The following SEC24B variants were observed in gnomAD, a reference collection of about 807,000 sequenced individuals.
SEC24B encodes SEC24 homolog B, COPII component, also known as protein transport protein Sec24B.
In SEC24B, 45 loss-of-function variants were observed where a neutral mutation model predicts 142.8. The observed-to-expected ratio is 0.32, with a 90% CI of 0.25 to 0.40. The LOEUF is 0.40. Ranked by LOEUF, SEC24B falls within the 10% of genes least tolerant of loss-of-function variation. SEC24B has a pLI of 1.00. For missense variants in SEC24B, 1,409 were observed against 1,526.8 expected (o/e 0.92, Z 1.29); for synonymous variants, 574 against 568.2 (o/e 1.01, Z -0.15).
At chr4:109,514,878 T>C (rs1737762001) in intron 10 of SEC24B, among the ~76,000 whole-genome samples, 1 of 152,230 alleles carries the variant, frequency 6.6e-6, no homozygotes, top group African/African-American at 2.4e-5. Context: ...ATTTGGCATA[T>C]GCCCACCTAA....
chr4:109,525,967 G>A (rs1420073855), intron 16 of SEC24B, among the ~76,000 whole-genome samples: 1 of 152,056 alleles, frequency 6.6e-6, no homozygotes, highest in African/African-American at 2.4e-5. Flanking sequence ...GTCAGATTAT[G>A]TCTGACTTCA....
intron 3 of SEC24B, among the ~76,000 whole-genome samples, chr4:109,477,090 T>TG (rs1222039826): frequency 3.8e-5 from 5 of 129,912 alleles, no homozygotes; most frequent in Non-Finnish European, 7.7e-5. Context: ...TGAGCCGAGA[T>TG]CCCGCCACTG....
At chr4:109,491,169 T>G (rs931397644) in intron 4 of SEC24B, among the ~76,000 whole-genome samples, 158 bp from the exon 5 acceptor site, 7 of 152,220 alleles carry the variant, frequency 4.6e-5, no homozygotes, top group Admixed American at 3.3e-4. Context: ...AGAAATTCAT[T>G]GGTTTTTAAA....
At chr4:109,458,393 A>G (rs1730918693) in intron 1 of SEC24B, among the ~76,000 whole-genome samples, 2 of 151,996 alleles carry the variant, frequency 1.3e-5, no homozygotes, top group South Asian at 2.1e-4. Context: ...TTTGATTCTG[A>G]TCTCTACCTC....
At chr4:109,526,501 A>G (rs1436710286) in intron 17 of SEC24B, 102 bp downstream of exon 17, 1 of 780,598 alleles carries the variant, frequency 1.3e-6, no homozygotes, top group Non-Finnish European at 2.0e-6. Flanking sequence ...CACAGTGGGA[A>G]GTAATGGAAT....
intron 1 of SEC24B, among the ~76,000 whole-genome samples, chr4:109,456,334 G>GTT (rs70949081): frequency 0.034 from 3,241 of 94,120 alleles, 110 homozygotes; most frequent in South Asian, 0.092. Context: ...GGTTTTTTTT[G>GTT]TTTTTTTTTT....
intron 22 of SEC24B, among the ~76,000 whole-genome samples, chr4:109,535,016 A>G (rs1385386689): frequency 6.6e-6 from 1 of 152,040 alleles, no homozygotes; most frequent in South Asian, 2.1e-4. Context: ...AGTCCATTGT[A>G]TGGACATACC....
intron 4 of SEC24B, chr4:109,488,921 C>T (rs1441617145): frequency 6.5e-6 from 1 of 154,250 alleles, no homozygotes; most frequent in Non-Finnish European, 1.5e-5. Context: ...AATATCTGTT[C>T]AAATCTTTTG....
intron 12 of SEC24B, among the ~76,000 whole-genome samples, 188 bp from the exon 13 acceptor site, chr4:109,520,929 T>C (rs546703294): frequency 1.3e-5 from 2 of 151,970 alleles, no homozygotes; most frequent in Non-Finnish European, 2.9e-5. Flanking sequence ...GAGGTGGAGG[T>C]TGCAGTGAGC....
At chr4:109,474,671 C>T (rs1369028726) in intron 3 of SEC24B, among the ~76,000 whole-genome samples, 1 of 152,086 alleles carries the variant, frequency 6.6e-6, no homozygotes, top group South Asian at 2.1e-4. Context: ...GTGATCCGCC[C>T]ACCTTGGCCT....
chr4:109,479,596 A>AT (rs111747197), intron 3 of SEC24B, among the ~76,000 whole-genome samples: 3,811 of 147,336 alleles, frequency 0.026, 70 homozygotes, highest in Non-Finnish European at 0.04. Context: ...TGCCTGGCTA[A>AT]TTTTTTTTTT....
At position 109,501,305 on chromosome 4, in the gene SEC24B, C is replaced by T. The variant is rs377601228; in HGVS notation, c.1489-5023C>T. Among the ~76,000 whole-genome samples, 586 of 152,286 alleles carry T rather than the reference C, an allele frequency of 3.8e-3. 1 individual carries two copies. The highest frequency in any genetic ancestry group is 6.8e-3 in the Non-Finnish European group (461 of 68,022). On this transcript the variant is annotated intron_variant, in intron 6 of 23. Transcript: ENST00000265175. ...CCAGGTGTGTAGTAGGCTATACCAT[C>T]TAGGTTTGTGAGTACACTCTGTGAT...
intron 1 of SEC24B, among the ~76,000 whole-genome samples, chr4:109,437,691 C>T (rs1251795084): frequency 6.6e-6 from 1 of 152,212 alleles, no homozygotes; most frequent in Non-Finnish European, 1.5e-5. Flanking sequence ...GTGGCACGAT[C>T]TCAGCTCACT....
chr4:109,506,060 C>T (rs1443144587), intron 6 of SEC24B, among the ~76,000 whole-genome samples: 1 of 152,146 alleles, frequency 6.6e-6, no homozygotes, highest in Non-Finnish European at 1.5e-5. Flanking sequence ...CAAGTATAAA[C>T]TGTATTCAGG....
chr4:109,449,400 T>C (rs545475194), intron 1 of SEC24B: 16 of 330,816 alleles, frequency 4.8e-5, no homozygotes, highest in East Asian at 3.6e-4. Flanking sequence ...ATTTTTCTTT[T>C]TTTTTTTTTT....
intron 1 of SEC24B, among the ~76,000 whole-genome samples, chr4:109,451,357 A>G (rs1319796121): frequency 1.4e-5 from 2 of 138,872 alleles, no homozygotes; most frequent in Non-Finnish European, 3.1e-5. Flanking sequence ...TGCCTTGCTA[A>G]TTTTTTTTTT....
intron 1 of SEC24B, among the ~76,000 whole-genome samples, chr4:109,455,273 G>C (rs886952271): frequency 2.6e-5 from 4 of 151,632 alleles, no homozygotes; most frequent in African/African-American, 9.7e-5. Flanking sequence ...TTTTGGGATG[G>C]AGTTTCACTT....
intron 1 of SEC24B, among the ~76,000 whole-genome samples, chr4:109,448,830 C>T (rs962681014): frequency 6.6e-6 from 1 of 152,118 alleles, no homozygotes; most frequent in Admixed American, 6.5e-5. Flanking sequence ...CCAGTTTTTA[C>T]ATGAATGTCT....
At chr4:109,463,789 T>C (rs1183756853) in intron 2 of SEC24B, 145 bp downstream of exon 2, 1 of 1,287,778 alleles carries the variant, frequency 7.8e-7, no homozygotes, top group African/African-American at 1.5e-5. Context: ...TTGTAGCACC[T>C]CTTTGAACCC....
Sources: gnomAD v4.1 joint callset for allele counts (sites outside exome capture counted in the v4.1 genomes callset) on GRCh38, gnomAD v4.1.1 for gene constraint, MANE v1.5 for transcripts, NCBI Gene and HGNC (gene_info 2026-07-23, HGNC 2026-07-21) for gene names.